CRIM1: variants seen among roughly 807,000 people sequenced by gnomAD.
The protein encoded by CRIM1 is cysteine rich transmembrane BMP regulator 1.
Under a neutral mutation model 116.4 loss-of-function variants are expected in CRIM1, and 32 were observed. The observed-to-expected ratio is 0.27, with a 90% CI of 0.21 to 0.37. The LOEUF is 0.37. CRIM1 is among the 10% of genes least tolerant of loss of function. CRIM1 has a pLI of 1.00. For missense variants in CRIM1, 1,331 were observed against 1,354.8 expected (o/e 0.98, Z 0.28); for synonymous variants, 590 against 509.2 (o/e 1.16, Z -2.13).
intron 4 of CRIM1, among the ~76,000 whole-genome samples, chr2:36,445,485 C>G (rs551371114): frequency 6.6e-6 from 1 of 151,236 alleles, no homozygotes; most frequent in Middle Eastern, 3.9e-3. Context: ...ATAATCCTTT[C>G]CTATGCTGTC....
At chr2:36,413,130 T>G (rs560300224) in intron 2 of CRIM1, among the ~76,000 whole-genome samples, 13 of 152,276 alleles carry the variant, frequency 8.5e-5, no homozygotes, top group Admixed American at 5.2e-4. Context: ...TATAAAGCGC[T>G]AGAAATATAA....
chr2:36,510,092 G>C lies in CRIM1; in HGVS notation c.1611G>C (p.Lys537Asn). ...CEICECRPRP[K>N]KCRPIICDKY... ...TCTGTGAGTGCCGCCCAAGGCCCAA[G>C]AAGTGCAGACCCATAATCTGTGACA... Residue 537 changes from lysine to asparagine, a missense_variant, in exon 9 of 17, where the codon AAG (lysine) becomes AAC (asparagine). Lys to Asn is a moderately conservative substitution (Grantham distance 94, BLOSUM62 0). Transcript: ENST00000280527. 3 of 1,614,180 alleles carry C rather than the reference G, an allele frequency of 1.9e-6. No homozygotes were observed. The highest frequency in any genetic ancestry group is 1.7e-6 in the Non-Finnish European group (2 of 1,180,022).
chr2:36,402,690 C>A (rs985750404), intron 2 of CRIM1, among the ~76,000 whole-genome samples: 2 of 150,518 alleles, frequency 1.3e-5, no homozygotes, highest in Non-Finnish European at 3.0e-5. Context: ...AATGGGGACT[C>A]GTACCTGAGA....
chr2:36,480,223 C>T (rs1679302344), intron 7 of CRIM1, among the ~76,000 whole-genome samples: 1 of 152,190 alleles, frequency 6.6e-6, no homozygotes, highest in Admixed American at 6.5e-5. Context: ...TCGTGGTTAC[C>T]TGCATTTGCT....
At chr2:36,372,237 A>G (rs1465360041) in intron 1 of CRIM1, among the ~76,000 whole-genome samples, 5 of 152,182 alleles carry the variant, frequency 3.3e-5, no homozygotes, top group Non-Finnish European at 5.9e-5. Context: ...TTCCATAGGA[A>G]TGCACTTTAA....
rs536885073 is a variant in CRIM1, at chr2:36,409,947, G to T, written c.505+13160G>T. Among the ~76,000 whole-genome samples, 43 of 152,240 alleles carry T rather than the reference G, an allele frequency of 2.8e-4. No individual in the cohort carries two copies. In the South Asian group the frequency reaches 8.5e-3, roughly 30 times the overall value. ...AAAGCTATGAGACCATTCTTTTAAT[G>T]GTGCATACGCTCTAAGATAAGAATA... On this transcript the variant is annotated intron_variant, in intron 2 of 16. Transcript: ENST00000280527.
chr2:36,529,487 A>G (rs1665973716), intron 13 of CRIM1: 1 of 211,078 alleles, frequency 4.7e-6, no homozygotes, highest in South Asian at 8.4e-5. Flanking sequence ...TTAAAATGAC[A>G]TTTTTATATT....
At chr2:36,461,581 G>T (rs192790593) in intron 4 of CRIM1, among the ~76,000 whole-genome samples, 1 of 152,274 alleles carries the variant, frequency 6.6e-6, no homozygotes, top group East Asian at 1.9e-4. Context: ...GTTCCCATCG[G>T]TGAAAGGGAA....
intron 14 of CRIM1, among the ~76,000 whole-genome samples, chr2:36,543,500 TA>T (rs5830427): frequency 0.36 from 55,240 of 152,018 alleles, 10,479 homozygotes; most frequent in South Asian, 0.5. Flanking sequence ...AATTGCTTTA[TA>T]AAAAAATCAG....
chr2:36,399,153 G>T (rs1236578582), intron 2 of CRIM1, among the ~76,000 whole-genome samples: 1 of 152,196 alleles, frequency 6.6e-6, no homozygotes, highest in African/African-American at 2.4e-5. Context: ...TTGGAGGGAG[G>T]ATAGGACCAG....
At chr2:36,379,491 C>G (rs1239371384) in intron 1 of CRIM1, among the ~76,000 whole-genome samples, 1 of 152,182 alleles carries the variant, frequency 6.6e-6, no homozygotes, top group Non-Finnish European at 1.5e-5. Flanking sequence ...TATTTCAGCC[C>G]TGACAACAGT....
chr2:36,512,458 A>G, intron 10 of CRIM1, 64 bp downstream of exon 10: 1 of 1,537,576 alleles, frequency 6.5e-7, no homozygotes, highest in Non-Finnish European at 8.9e-7. Context: ...AAGGAACATA[A>G]GGACACCCTG....
At chr2:36,407,295 A>G (rs1672883577) in intron 2 of CRIM1, among the ~76,000 whole-genome samples, 1 of 152,238 alleles carries the variant, frequency 6.6e-6, no homozygotes, top group Non-Finnish European at 1.5e-5. Flanking sequence ...ATGTAAAGTG[A>G]CTTTAAAATA....
At chr2:36,500,717 A>G (rs1680926425) in intron 8 of CRIM1, among the ~76,000 whole-genome samples, 1 of 152,196 alleles carries the variant, frequency 6.6e-6, no homozygotes, top group South Asian at 2.1e-4. Flanking sequence ...ACTGCACAGA[A>G]CCAAGGACAA....
At chr2:36,428,879 T>C (rs967268042) in intron 2 of CRIM1, among the ~76,000 whole-genome samples, 2 of 152,214 alleles carry the variant, frequency 1.3e-5, no homozygotes, top group Non-Finnish European at 2.9e-5. Flanking sequence ...TGCGTAGATA[T>C]AAAATGTTTA....
chr2:36,531,758 A>G (rs1666135249), intron 13 of CRIM1: 1 of 364,126 alleles, frequency 2.7e-6, no homozygotes, highest in Non-Finnish European at 5.5e-6. Context: ...AATTGAGGGA[A>G]AATAGGCAGG....
chr2:36,413,448 A>G (rs1673362709), intron 2 of CRIM1, among the ~76,000 whole-genome samples: 1 of 152,164 alleles, frequency 6.6e-6, no homozygotes, highest in Non-Finnish European at 1.5e-5. Context: ...AGTACAGTCA[A>G]CACAGGCTTT....
chr2:36,358,714 T>A (rs1312506049), intron 1 of CRIM1, among the ~76,000 whole-genome samples: 4 of 152,196 alleles, frequency 2.6e-5, no homozygotes, highest in Non-Finnish European at 5.9e-5. Flanking sequence ...GAAACACTTT[T>A]TATTTTACAG....
chr2:36,499,083 G>T, intron 7 of CRIM1, 136 bp from the exon 8 acceptor site: 1 of 666,008 alleles, frequency 1.5e-6, no homozygotes. Context: ...TATTACTGGA[G>T]CATAAAAGTT....
Sources: gnomAD v4.1 joint callset for allele counts (sites outside exome capture counted in the v4.1 genomes callset) on GRCh38, gnomAD v4.1.1 for gene constraint, MANE v1.5 for transcripts, NCBI Gene and HGNC (gene_info 2026-07-23, HGNC 2026-07-21) for gene names.